The following NBEA variants were observed in gnomAD, a reference collection of about 807,000 sequenced individuals.
NBEA encodes neurobeachin.
NBEA carries 44 observed loss-of-function variants against 343.4 expected under a neutral mutation model. That is an observed-to-expected ratio of 0.13 (90% CI 0.10 to 0.16). The LOEUF (loss-of-function observed/expected upper bound fraction) is 0.16, where lower values mean the gene tolerates loss of function less well. Among genes scored for constraint, NBEA ranks in the 10% least tolerant of loss-of-function variants. NBEA has a pLI of 1.00. For missense variants in NBEA, 2,555 were observed against 3,631.3 expected (o/e 0.70, Z 7.62); for synonymous variants, 1,175 against 1,238.7 (o/e 0.95, Z 1.08).
At chr13:35,145,903 A>C (rs2068391289) in intron 18 of NBEA, among the ~76,000 whole-genome samples, 1 of 152,178 alleles carries the variant, frequency 6.6e-6, no homozygotes, top group Non-Finnish European at 1.5e-5. Context: ...CTGACATGGA[A>C]CTGGGAGGCC....
intron 41 of NBEA, among the ~76,000 whole-genome samples, chr13:35,489,627 A>G (rs2076432119): frequency 1.3e-5 from 2 of 151,900 alleles, no homozygotes; most frequent in Admixed American, 1.3e-4. Flanking sequence ...AGGCTGAGAA[A>G]CATGTTTCAA....
At chr13:35,186,276 G>T (rs1239145137) in intron 30 of NBEA, 1 of 152,196 alleles carries the variant, frequency 6.6e-6, no homozygotes, top group Non-Finnish European at 1.5e-5. Context: ...CTGCACTCCA[G>T]CCTGAGCAAC....
At chr13:35,390,711 G>A (rs973338475) in intron 38 of NBEA, among the ~76,000 whole-genome samples, 5 of 152,236 alleles carry the variant, frequency 3.3e-5, no homozygotes, top group African/African-American at 1.2e-4. Flanking sequence ...TAGGTATCTT[G>A]AGCATAATAG....
intron 48 of NBEA, among the ~76,000 whole-genome samples, chr13:35,627,297 G>A (rs1344384285): frequency 6.6e-6 from 1 of 152,146 alleles, no homozygotes; most frequent in African/African-American, 2.4e-5. Context: ...CTAGGAAGTT[G>A]ATGATAAATG....
chr13:35,119,193 T>C (rs1422886078), intron 16 of NBEA, among the ~76,000 whole-genome samples: 1 of 152,188 alleles, frequency 6.6e-6, no homozygotes, highest in Non-Finnish European at 1.5e-5. Flanking sequence ...TAATTAGTAT[T>C]TTTATGAACT....
At chr13:35,409,309 T>C (rs1009117698) in intron 38 of NBEA, among the ~76,000 whole-genome samples, 3 of 151,634 alleles carry the variant, frequency 2.0e-5, no homozygotes, top group Admixed American at 6.6e-5. Flanking sequence ...ACATGACACA[T>C]AGAGGGAAAT....
chr13:35,085,259 A>C (rs892882938), intron 10 of NBEA, among the ~76,000 whole-genome samples: 1 of 152,142 alleles, frequency 6.6e-6, no homozygotes, highest in African/African-American at 2.4e-5. Flanking sequence ...CTGATACCAA[A>C]GCCTGGCAGA....
intron 13 of NBEA, among the ~76,000 whole-genome samples, chr13:35,116,524 C>A (rs1339170634): frequency 6.6e-6 from 1 of 151,924 alleles, no homozygotes; most frequent in Non-Finnish European, 1.5e-5. Context: ...GAAGATATTT[C>A]TTTTATTATA....
chr13:35,123,423 A>G (rs1381800076), intron 16 of NBEA, 59 bp from the exon 17 acceptor site: 1 of 840,850 alleles, frequency 1.2e-6, no homozygotes. Flanking sequence ...TAAAGCATGT[A>G]GTGTGTTTTT....
At chr13:35,541,025 T>C (rs1230486642) in intron 41 of NBEA, among the ~76,000 whole-genome samples, 2 of 152,178 alleles carry the variant, frequency 1.3e-5, no homozygotes, top group African/African-American at 2.4e-5. Flanking sequence ...AAAAATCTTA[T>C]AGCAGCTCTC....
At chr13:35,256,570 A>C (rs1038233392) in intron 34 of NBEA, among the ~76,000 whole-genome samples, 1 of 152,132 alleles carries the variant, frequency 6.6e-6, no homozygotes, top group Admixed American at 6.5e-5. Flanking sequence ...CGCCGTCAAC[A>C]TGATATCCAT....
At chr13:35,590,018 A>C (rs1432630465) in intron 46 of NBEA, among the ~76,000 whole-genome samples, 1 of 152,138 alleles carries the variant, frequency 6.6e-6, no homozygotes, top group Non-Finnish European at 1.5e-5. Flanking sequence ...TCCCATGCCT[A>C]AAACTTTTCT....
At chr13:35,267,613 G>A (rs766352726) in intron 34 of NBEA, among the ~76,000 whole-genome samples, 1 of 150,980 alleles carries the variant, frequency 6.6e-6, no homozygotes. Context: ...ATCTAATAAG[G>A]GATTTATATC....
chr13:35,052,445 A>G (rs1420741165), intron 6 of NBEA, among the ~76,000 whole-genome samples: 4 of 151,938 alleles, frequency 2.6e-5, no homozygotes, highest in Admixed American at 2.0e-4. Context: ...TTTTCAATTT[A>G]TTTTCATATC....
chr13:35,067,748 T>G (rs1226183240), intron 8 of NBEA, among the ~76,000 whole-genome samples: 1 of 152,100 alleles, frequency 6.6e-6, no homozygotes. Context: ...TAAAAAAAAT[T>G]TTTTAAGACT....
chr13:35,180,124 T>A (rs1171942505), intron 28 of NBEA, among the ~76,000 whole-genome samples: 1 of 151,742 alleles, frequency 6.6e-6, no homozygotes, highest in Non-Finnish European at 1.5e-5. Flanking sequence ...GAATCTTGTT[T>A]GCATTGTGCT....
chr13:35,099,584 G>A (rs2065532187), intron 11 of NBEA, among the ~76,000 whole-genome samples: 1 of 152,044 alleles, frequency 6.6e-6, no homozygotes, highest in South Asian at 2.1e-4. Flanking sequence ...GTTAAGTTTT[G>A]TGTTATTTTT....
chr13:35,438,761 A>G (rs1172946429), intron 39 of NBEA, among the ~76,000 whole-genome samples: 1 of 152,216 alleles, frequency 6.6e-6, no homozygotes, highest in African/African-American at 2.4e-5. Flanking sequence ...GTCATATTTT[A>G]GTATCATAGC....
chr13:35,196,052 A>G lies in NBEA; in HGVS notation c.5116A>G (p.Thr1706Ala). The G allele has an allele frequency of 9.9e-6, 16 of 1,613,610 alleles. No individual in the cohort carries two copies. Among genetic ancestry groups the G allele is most frequent in the Non-Finnish European group, 1.3e-5 (15 of 1,179,736 alleles). ...GPDAMSELLS[T>A]LSSEVKKSQE... The stretch of plus-strand genomic sequence containing the variant: ...TGATGCCATGAGTGAACTCTTATCC[A>G]CTTTGTCATCCGAAGTGAAGAAATC... Residue 1706 changes from threonine (T) to alanine (A), a missense_variant, in exon 31 of 59, where the codon ACT (threonine) becomes GCT (alanine). This residue lies in a region of NBEA where 270 missense variants were observed against 293.3 expected (regional missense o/e 0.92). Transcript: ENST00000379939.
Sources: gnomAD v4.1 joint callset for allele counts (sites outside exome capture counted in the v4.1 genomes callset) on GRCh38, gnomAD v4.1.1 for gene constraint, gnomAD v4.1.1 regional missense constraint, MANE v1.5 for transcripts, NCBI Gene and HGNC (gene_info 2026-07-23, HGNC 2026-07-21) for gene names.